Variants in CENPO observed in about 807,000 individuals in gnomAD.
The protein encoded by CENPO is centromeric protein O.
In CENPO, 30 loss-of-function variants were observed where a neutral mutation model predicts 36.1. The observed-to-expected ratio is 0.83, with a 90% CI of 0.62 to 1.13. The LOEUF is 1.13. Among genes scored for constraint, CENPO ranks in the 50% most tolerant of loss-of-function variants. CENPO has a pLI of 0.00. For synonymous variants in CENPO, 171 were observed against 142.3 expected, an observed-to-expected ratio of 1.20 and a Z score of -1.44; for missense variants, 349 against 357.8, an observed-to-expected ratio of 0.98 and a Z score of 0.20.
In CENPO at chr2:24,820,158, C is replaced by G; in HGVS notation, c.*840C>G. 1 of 1,477,142 alleles carries G rather than the reference C, an allele frequency of 6.8e-7. No homozygotes were observed. Among genetic ancestry groups the G allele is most frequent in the Admixed American group, 2.2e-5 (1 of 45,390 alleles). The allele number at this position is 1,477,142 out of a possible 1,614,324, so 91.5% of individuals were successfully genotyped here. A position where few individuals can be genotyped will look rare whatever the true frequency, so the allele number is the denominator to read the frequency against. The stretch of plus-strand genomic sequence containing the variant: ...CAAGAACGTGGCGTTACGGGGGGAG[C>G]CTAGACTGAGGGCGGGTGGGGGCTT... On this transcript the variant is annotated 3_prime_UTR_variant, in exon 8 of 8. Transcript: ENST00000380834.
intron 5 of CENPO, chr2:24,816,006 C>T: frequency 3.9e-6 from 2 of 516,894 alleles, no homozygotes; most frequent in South Asian, 2.1e-5. Context: ...AAGCTTTTAT[C>T]GTAAGATTGT....
intron 3 of CENPO, among the ~76,000 whole-genome samples, chr2:24,807,511 C>T (rs1165120879): frequency 6.6e-6 from 1 of 152,112 alleles, no homozygotes; most frequent in African/African-American, 2.4e-5. Context: ...TATGAGTATA[C>T]TACATTTATT....
intron 3 of CENPO, among the ~76,000 whole-genome samples, chr2:24,809,330 T>G (rs1263787524): frequency 2.0e-5 from 3 of 152,220 alleles, no homozygotes; most frequent in Admixed American, 2.0e-4. Context: ...TTCATTTGTT[T>G]TGTATTTTCA....
At chr2:24,803,772 G>T (rs567377347) in intron 3 of CENPO, among the ~76,000 whole-genome samples, 5 of 152,164 alleles carry the variant, frequency 3.3e-5, no homozygotes, top group African/African-American at 9.7e-5. Flanking sequence ...TTTGGAATAG[G>T]TGTGGTGTGG....
intron 3 of CENPO, among the ~76,000 whole-genome samples, chr2:24,803,360 C>T (rs1202920286): frequency 7.2e-5 from 11 of 151,876 alleles, no homozygotes; most frequent in Non-Finnish European, 1.6e-4. Context: ...TTATTTCTTG[C>T]CTTCTGCTAG....
chr2:24,818,756 C>G (rs1010051586), intron 7 of CENPO, among the ~76,000 whole-genome samples: 3 of 152,216 alleles, frequency 2.0e-5, no homozygotes, highest in Admixed American at 2.0e-4. Flanking sequence ...AACCACGGGC[C>G]TCTGACCTGC....
intron 3 of CENPO, among the ~76,000 whole-genome samples, chr2:24,809,772 C>T (rs111288725): frequency 2.0e-5 from 3 of 152,116 alleles, no homozygotes; most frequent in African/African-American, 7.2e-5. Context: ...AATGACTCAG[C>T]ATGTGGTCAG....
intron 1 of CENPO, 152 bp downstream of exon 1, chr2:24,793,653 G>A: frequency 8.0e-7 from 1 of 1,247,628 alleles, no homozygotes; most frequent in Non-Finnish European, 1.1e-6. Flanking sequence ...CGCCGGGGCC[G>A]CGGGATGGGC....
chr2:24,820,163 A>G lies in CENPO; in HGVS notation c.*845A>G, dbSNP rs1186511079. 1.3e-5 allele frequency: 14 copies of G among 1,108,856 alleles called. No homozygotes were observed. The highest frequency in any genetic ancestry group is 3.3e-5 in the African/African-American group (2 of 60,554). The allele number at this position is 1,108,856 out of a possible 1,614,324, so 68.7% of individuals were successfully genotyped here. On this transcript the variant is annotated 3_prime_UTR_variant, in exon 8 of 8. Transcript: ENST00000380834. The stretch of plus-strand genomic sequence containing the variant: ...ACGTGGCGTTACGGGGGGAGCCTAG[A>G]CTGAGGGCGGGTGGGGGCTTTGGGT...
Position 24,821,403 on chromosome 2 carries a change from C to T in CENPO, c.*2085C>T, listed in dbSNP as rs1667688976. The T allele has an allele frequency of 2.0e-6, 3 of 1,466,180 alleles. No homozygotes were observed. Among genetic ancestry groups the T allele is most frequent in the East Asian group, 4.6e-5 (2 of 43,748 alleles). The allele number at this position is 1,466,180 out of a possible 1,614,324, so 90.8% of individuals were successfully genotyped here. Reference sequence around the variant, plus strand: ...CTCCTTGCCCTGTGAGTGCGTGAACCTCCCCACCCGAATTGCCTCAGTTGT... The same window carrying T: ...CTCCTTGCCCTGTGAGTGCGTGAACTTCCCCACCCGAATTGCCTCAGTTGT... On this transcript the variant is annotated 3_prime_UTR_variant, in exon 8 of 8. Transcript: ENST00000380834.
At position 24,815,492 on chromosome 2, in the gene CENPO, C is replaced by G. The variant is rs754559773; in HGVS notation, c.335-5C>G. On this transcript the variant is annotated splice_polypyrimidine_tract_variant and splice_region_variant and intron_variant, in intron 4 of 7. Coordinates refer to ENST00000380834, the MANE Select transcript of CENPO (RefSeq NM_001322101.2). ...TCTATTGAGGTGTCTTCTTGTTTGC[C>G]TCAGGCCTCAGTGGTAAACTGACCA... 2.5e-6 allele frequency: 4 copies of G among 1,613,516 alleles called. No homozygotes were observed. The highest frequency in any genetic ancestry group is 3.4e-6 in the Non-Finnish European group (4 of 1,179,562).
intron 7 of CENPO, among the ~76,000 whole-genome samples, chr2:24,818,391 T>TA (rs369203960): frequency 4.3e-4 from 65 of 151,640 alleles, no homozygotes; most frequent in African/African-American, 1.5e-3. Context: ...TTTTTTTTTT[T>TA]AAAAGGAAAG....
At chr2:24,813,030 A>G (rs1441057884) in intron 3 of CENPO, among the ~76,000 whole-genome samples, 2 of 151,582 alleles carry the variant, frequency 1.3e-5, no homozygotes, top group Non-Finnish European at 2.9e-5. Context: ...TGGATCATCT[A>G]ACGTCAGGAG....
At chr2:24,814,543 G>C in intron 4 of CENPO, 50 bp downstream of exon 4, 1 of 854,036 alleles carries the variant, frequency 1.2e-6, no homozygotes, top group Non-Finnish European at 2.1e-6. Flanking sequence ...CCTCTAGTGA[G>C]TTAGTTTGCT....
intron 3 of CENPO, among the ~76,000 whole-genome samples, chr2:24,811,282 CTTTT>C (rs70947848): frequency 0.22 from 23,419 of 105,602 alleles, 2,673 homozygotes; most frequent in Middle Eastern, 0.36. Context: ...AGTCCATGAA[CTTTT>C]TTTTTTTTTT....
chr2:24,801,309 T>A (rs1666156864), intron 3 of CENPO, among the ~76,000 whole-genome samples: 1 of 152,262 alleles, frequency 6.6e-6, no homozygotes, highest in Admixed American at 6.5e-5. Context: ...TTTCTTTTGC[T>A]GTGCAGAAGC....
Position 24,815,687 on chromosome 2 carries a change from C to T in CENPO, c.525C>T (p.His175=), listed in dbSNP as rs202236473. Residue 175 remains histidine, a synonymous_variant, in exon 5 of 8, where the codon CAC becomes CAT. Coordinates refer to ENST00000380834, the MANE Select transcript of CENPO (RefSeq NM_001322101.2). ...AAKYLQTNIQ[H]FLFSLCEYLN... ...AATATTTACAGACCAACATCCAGCACTTCCTGTTCAGTCTCTGCGAGTACC... is the reference window on the plus strand; with the variant it reads ...AATATTTACAGACCAACATCCAGCATTTCCTGTTCAGTCTCTGCGAGTACC... 50 of 1,613,982 alleles carry T rather than the reference C, an allele frequency of 3.1e-5. No homozygotes were observed. The East Asian group carries it at 1.1e-3, about 36-fold the overall frequency.
chr2:24,814,362 T>A lies in CENPO; in HGVS notation c.217-14T>A, dbSNP rs750841400. On this transcript the variant is annotated splice_polypyrimidine_tract_variant and intron_variant, in intron 3 of 7. Coordinates refer to ENST00000380834, the MANE Select transcript of CENPO (RefSeq NM_001322101.2). The stretch of plus-strand genomic sequence containing the variant: ...CCTCTTTGTACCAAGATTGATTTGC[T>A]GCATATCTTGCAGGTGAAAGCATGT... 6.2e-5 allele frequency: 78 copies of A among 1,251,682 alleles called. No individual in the cohort carries two copies. Among genetic ancestry groups the A allele is most frequent in the Non-Finnish European group, 9.2e-5 (78 of 848,976 alleles). 77.5% of individuals were successfully genotyped at this position (1,251,682 alleles called of 1,614,324 possible). A position where few individuals can be genotyped will look rare whatever the true frequency, so the allele number is the denominator to read the frequency against.
In CENPO at chr2:24,820,817, G is replaced by A. The variant is rs907824331; in HGVS notation, c.*1499G>A. ...CGTAGTGTGGTTTCCGGGCTCCGAT[G>A]ACCCCAGCCAGAACCCCGCCTTTGT... On this transcript the variant is annotated 3_prime_UTR_variant, in exon 8 of 8. Coordinates refer to ENST00000380834, the MANE Select transcript of CENPO (RefSeq NM_001322101.2). 2 of 1,614,080 alleles carry A rather than the reference G, an allele frequency of 1.2e-6. No individual in the cohort carries two copies. The highest frequency in any genetic ancestry group is 1.7e-6 in the Non-Finnish European group (2 of 1,180,010).
Sources: gnomAD v4.1 joint callset for allele counts (sites outside exome capture counted in the v4.1 genomes callset) on GRCh38, gnomAD v4.1.1 for gene constraint, MANE v1.5 for transcripts, NCBI Gene and HGNC (gene_info 2026-07-23, HGNC 2026-07-21) for gene names.